LRMDA: variants seen among roughly 807,000 people sequenced by gnomAD.
LRMDA encodes leucine-rich melanocyte differentiation-associated protein.
In LRMDA, 18 loss-of-function variants were observed where a neutral mutation model predicts 29.8. The ratio of observed to expected loss-of-function variants is 0.60; its 90% confidence interval spans 0.42 to 0.90. The LOEUF is 0.90. Among genes scored for constraint, LRMDA ranks in the 40% least tolerant of loss-of-function variants. LRMDA has a pLI of 0.00. For missense variants in LRMDA, 273 were observed against 273.9 expected, an observed-to-expected ratio of 1.00 and a Z score of 0.02; for synonymous variants, 125 against 109.4, an observed-to-expected ratio of 1.14 and a Z score of -0.89.
intron 2 of LRMDA, among the ~76,000 whole-genome samples, chr10:75,584,014 G>A (rs1375702703): frequency 3.3e-5 from 5 of 152,140 alleles, no homozygotes; most frequent in African/African-American, 1.2e-4. Context: ...TTCCTCTCTG[G>A]GAGGAAGTCT....
intron 2 of LRMDA, among the ~76,000 whole-genome samples, chr10:75,734,584 A>G (rs565763638): frequency 1.3e-5 from 2 of 152,372 alleles, no homozygotes; most frequent in African/African-American, 4.8e-5. Context: ...TACATGAGTT[A>G]CCATGGATTC....
At position 76,478,946 on chromosome 10, in the gene LRMDA, TA is replaced by T. The variant is rs1477146830; in HGVS notation, c.602-78260del. ...ATAGCATTAGGAGATATACCTAATGTAAATGACTAGTTAATGGGTGCAGCAC... is the reference window on the plus strand; with the variant it reads ...ATAGCATTAGGAGATATACCTAATGTAATGACTAGTTAATGGGTGCAGCAC... On this transcript the variant is annotated intron_variant, in intron 6 of 6. Coordinates refer to ENST00000611255, the MANE Select transcript of LRMDA (RefSeq NM_001305581.2). 4.0e-5 allele frequency among the ~76,000 whole-genome samples: 6 copies of T among 151,670 alleles called. No individual in the cohort carries two copies. The East Asian group carries it at 5.9e-4, about 15-fold the overall frequency.
chr10:75,696,641 G>A (rs779148103), intron 2 of LRMDA, among the ~76,000 whole-genome samples: 8 of 152,222 alleles, frequency 5.3e-5, no homozygotes, highest in Non-Finnish European at 8.8e-5. Flanking sequence ...AAGACGATGA[G>A]TCAGTTCAAC....
intron 2 of LRMDA, among the ~76,000 whole-genome samples, chr10:75,703,260 G>A (rs1432063759): frequency 6.6e-6 from 1 of 152,180 alleles, no homozygotes. Context: ...TTCCCAGGAA[G>A]GGAAGAAGGG....
intron 2 of LRMDA, among the ~76,000 whole-genome samples, chr10:75,908,315 C>T (rs1349632909): frequency 6.6e-6 from 1 of 152,198 alleles, no homozygotes; most frequent in Non-Finnish European, 1.5e-5. Context: ...CTTCCCTCCA[C>T]CAGCACCTTC....
intron 6 of LRMDA, among the ~76,000 whole-genome samples, chr10:76,389,235 C>T (rs1383265646): frequency 6.6e-6 from 1 of 152,128 alleles, no homozygotes; most frequent in Non-Finnish European, 1.5e-5. Flanking sequence ...ACGGCATATT[C>T]AGGCAATTGC....
At chr10:76,186,065 G>A (rs912276678) in intron 5 of LRMDA, among the ~76,000 whole-genome samples, 3 of 135,300 alleles carry the variant, frequency 2.2e-5, no homozygotes, top group African/African-American at 9.0e-5. Context: ...CCATTAGCTG[G>A]TGGGATTTTT....
At chr10:76,062,650 A>ATC (rs201983808) in intron 5 of LRMDA, among the ~76,000 whole-genome samples, 15 of 135,874 alleles carry the variant, frequency 1.1e-4, no homozygotes, top group African/African-American at 3.1e-4. Context: ...TCCAGACTTT[A>ATC]TCTCTCTGTG....
Position 75,496,976 on chromosome 10 carries a change from T to G in LRMDA, c.131+58482T>G, listed in dbSNP as rs114474022. 8.7e-3 allele frequency among the ~76,000 whole-genome samples: 1,317 copies of G among 151,076 alleles called. 16 individuals carry two copies. Among genetic ancestry groups the G allele is most frequent in the African/African-American group, 0.025 (1,037 of 41,250 alleles). Reference sequence around the variant, plus strand: ...CCCTCAGGAATCCTAGATTAAGAACTCCTGGCCTAGCTTTTTTTTTTTCTT... The same window carrying G: ...CCCTCAGGAATCCTAGATTAAGAACGCCTGGCCTAGCTTTTTTTTTTTCTT... On this transcript the variant is annotated intron_variant, in intron 2 of 6. Transcript: ENST00000611255.
chr10:76,484,732 T>C (rs1842764906), intron 6 of LRMDA, among the ~76,000 whole-genome samples: 1 of 151,986 alleles, frequency 6.6e-6, no homozygotes, highest in African/African-American at 2.4e-5. Context: ...TAGAGACATA[T>C]TATATCTAAC....
intron 5 of LRMDA, among the ~76,000 whole-genome samples, chr10:76,175,848 A>G (rs1850923902): frequency 1.3e-5 from 2 of 152,182 alleles, no homozygotes; most frequent in Admixed American, 6.5e-5. Context: ...TGCAGTGTGA[A>G]TGGAGACCTG....
intron 5 of LRMDA, among the ~76,000 whole-genome samples, chr10:76,263,782 T>C (rs1447527327): frequency 1.3e-5 from 2 of 152,180 alleles, no homozygotes; most frequent in Admixed American, 1.3e-4. Flanking sequence ...TGGTGATAGG[T>C]GACCCTGAGA....
At chr10:75,596,061 GTGTA>G (rs1440939964) in intron 2 of LRMDA, among the ~76,000 whole-genome samples, 2 of 152,140 alleles carry the variant, frequency 1.3e-5, no homozygotes, top group Non-Finnish European at 2.9e-5. Context: ...GTGTATATGT[GTGTA>G]TGTATCTGTG....
At chr10:75,792,485 G>A (rs1215963155) in intron 2 of LRMDA, among the ~76,000 whole-genome samples, 2 of 152,084 alleles carry the variant, frequency 1.3e-5, no homozygotes, top group East Asian at 1.9e-4. Flanking sequence ...GGCTGGTCTC[G>A]ATCTGCTGAC....
chr10:76,150,693 T>C (rs1347607624), intron 5 of LRMDA, among the ~76,000 whole-genome samples: 3 of 152,196 alleles, frequency 2.0e-5, no homozygotes, highest in Non-Finnish European at 4.4e-5. Flanking sequence ...TTGTTCACTG[T>C]TGTGTTTAAA....
intron 2 of LRMDA, among the ~76,000 whole-genome samples, chr10:75,998,287 T>C (rs1847506345): frequency 6.6e-6 from 1 of 152,180 alleles, no homozygotes; most frequent in Non-Finnish European, 1.5e-5. Flanking sequence ...TTCTCACTTT[T>C]GCTCCTTTTT....
At chr10:76,226,442 G>C (rs921131434) in intron 5 of LRMDA, among the ~76,000 whole-genome samples, 1 of 152,056 alleles carries the variant, frequency 6.6e-6, no homozygotes, top group African/African-American at 2.4e-5. Context: ...AATTAGCCGG[G>C]CATGGTGGCA....
At chr10:76,404,619 C>G (rs1225661941) in intron 6 of LRMDA, among the ~76,000 whole-genome samples, 3 of 152,232 alleles carry the variant, frequency 2.0e-5, no homozygotes, top group African/African-American at 7.2e-5. Flanking sequence ...ATATTCCCAG[C>G]CTGGATGCTC....
intron 2 of LRMDA, among the ~76,000 whole-genome samples, chr10:75,914,592 A>G (rs1255595948): frequency 6.6e-6 from 1 of 152,178 alleles, no homozygotes; most frequent in Non-Finnish European, 1.5e-5. Context: ...GTGATAGAAG[A>G]TCTATTGGTT....
Sources: allele counts gnomAD v4.1 joint callset (sites outside exome capture counted in the v4.1 genomes callset), GRCh38; gene constraint gnomAD v4.1.1; transcripts MANE v1.5; gene names NCBI Gene and HGNC (gene_info 2026-07-23, HGNC 2026-07-21).